The following VRTN variants were observed in gnomAD, a reference collection of about 807,000 sequenced individuals.
The protein encoded by VRTN is vertnin.
A neutral mutation model predicts 18.2 loss-of-function variants in VRTN; 5 were observed. The ratio of observed to expected loss-of-function variants is 0.27; its 90% CI spans 0.14 to 0.58. The LOEUF (loss-of-function observed/expected upper bound fraction) is 0.58, where lower values mean the gene tolerates loss of function less well. VRTN is among the 20% of genes least tolerant of loss of function. The pLI is 0.91. For missense variants in VRTN, 741 were observed against 939.4 expected (o/e 0.79, Z 2.76); for synonymous variants, 381 against 393.7 (o/e 0.97, Z 0.38).
chr14:74,346,406 C>CT (rs145248637), upstream of VRTN, among the ~76,000 whole-genome samples: 1,436 of 151,434 alleles, frequency 9.5e-3, 20 homozygotes, highest in African/African-American at 0.033. Flanking sequence ...CTTACCTACT[C>CT]TTTTTTTTTC....
At chr14:74,322,537 C>T (rs147687570) in intron 1 of VRTN, among the ~76,000 whole-genome samples, 1 of 152,240 alleles carries the variant, frequency 6.6e-6, no homozygotes, top group East Asian at 1.9e-4. Flanking sequence ...TAGGAAAACA[C>T]AATTATTGGC....
chr14:74,332,475 C>G (rs1289952657), intron 1 of VRTN, among the ~76,000 whole-genome samples: 1 of 150,332 alleles, frequency 6.7e-6, no homozygotes, highest in African/African-American at 2.5e-5. Context: ...CTGCCTCAGC[C>G]TCCTGAGTAG....
At position 74,348,576 on chromosome 14, in the gene VRTN, A is replaced by G. The variant is rs1350009661; in HGVS notation, c.-78A>G. On this transcript the variant is annotated 5_prime_UTR_variant, in exon 1 of 2. Coordinates refer to ENST00000256362, the MANE Select transcript of VRTN (RefSeq NM_018228.3). ...ACGCTACTTGAGAAGGCCTTTCCCCACAGGGTGACTTAAATGTCCCAGGCT... is the reference window on the plus strand; with the variant it reads ...ACGCTACTTGAGAAGGCCTTTCCCCGCAGGGTGACTTAAATGTCCCAGGCT... 2 of 152,436 alleles carry G rather than the reference A, an allele frequency of 1.3e-5. No homozygotes were observed. The highest frequency in any genetic ancestry group is 2.9e-5 in the Non-Finnish European group (2 of 68,254). The allele number at this position is 152,436 out of a possible 1,614,324, so 9.4% of individuals were successfully genotyped here.
chr14:74,358,692 G>T lies in VRTN; in HGVS notation c.1909G>T (p.Asp637Tyr). ...QPVVAAAGGRDGRMLVMDMIA... is the reference protein window; with the variant it reads ...QPVVAAAGGRYGRMLVMDMIA... The stretch of plus-strand genomic sequence containing the variant: ...TGTGGTGGCAGCAGCGGGTGGCAGG[G>T]ATGGCCGGATGCTGGTGATGGACAT... Residue 637 changes from aspartate (D) to tyrosine (Y), a missense_variant, in exon 2 of 2, where the codon GAT becomes TAT. This residue lies in a region of VRTN where 61 missense variants were observed against 104.6 expected (regional missense o/e 0.58). Coordinates refer to ENST00000256362, the MANE Select transcript of VRTN (RefSeq NM_018228.3). The surrounding 1 kb of genome is among the most constrained non-coding windows in gnomAD (Gnocchi z 5.4). 6.2e-7 allele frequency: 1 copy of T among 1,614,024 alleles called. No individual in the cohort carries two copies. The highest frequency in any genetic ancestry group is 8.5e-7 in the Non-Finnish European group (1 of 1,179,948).
intron 1 of VRTN, among the ~76,000 whole-genome samples, chr14:74,337,101 T>C (rs1290749130): frequency 6.6e-6 from 1 of 152,096 alleles, no homozygotes; most frequent in African/African-American, 2.4e-5. Flanking sequence ...TCCCAGCACT[T>C]TAAGACTGAG....
At chr14:74,318,375 A>G (rs555609611) in intron 1 of VRTN, among the ~76,000 whole-genome samples, 46 of 151,750 alleles carry the variant, frequency 3.0e-4, no homozygotes, top group African/African-American at 1.0e-3. Flanking sequence ...GATTCAAGTG[A>G]TTCTCCTGCC....
At chr14:74,320,846 A>G (rs930561342) in intron 1 of VRTN, among the ~76,000 whole-genome samples, 1 of 146,958 alleles carries the variant, frequency 6.8e-6, no homozygotes, top group African/African-American at 2.5e-5. Context: ...TTGGCCTCCC[A>G]AAGTGCTGGG....
chr14:74,359,178 G>T lies in VRTN; in HGVS notation c.*286G>T. On this transcript the variant is annotated 3_prime_UTR_variant, in exon 2 of 2. Transcript: ENST00000256362. ...TTAGTTTTTGGTTTTGATTTGAGTGGGTTGGTTGGCCCCCTTGCTGGAGTT... is the reference window on the plus strand; with the variant it reads ...TTAGTTTTTGGTTTTGATTTGAGTGTGTTGGTTGGCCCCCTTGCTGGAGTT... The T allele has an allele frequency of 2.3e-6, 1 of 432,574 alleles. No individual in the cohort carries two copies. The highest frequency in any genetic ancestry group is 4.4e-5 in the Admixed American group (1 of 22,578). 26.8% of individuals were successfully genotyped at this position (432,574 alleles called of 1,614,324 possible).
intron 2 of VRTN, among the ~76,000 whole-genome samples, chr14:74,342,011 G>T (rs2085608311): frequency 6.6e-6 from 1 of 152,058 alleles, no homozygotes; most frequent in African/African-American, 2.4e-5. Flanking sequence ...ATCTCATCTT[G>T]ACAGTTTAAA....
intron 1 of VRTN, chr14:74,306,125 T>C (rs886928091): frequency 1.4e-5 from 2 of 143,720 alleles, no homozygotes; most frequent in African/African-American, 5.1e-5. Flanking sequence ...ATATGTAAAA[T>C]ATATATATGT....
chr14:74,311,741 T>C (rs1385737219), intron 1 of VRTN, among the ~76,000 whole-genome samples: 4 of 141,408 alleles, frequency 2.8e-5, no homozygotes, highest in Non-Finnish European at 6.0e-5. Flanking sequence ...GTAATATATC[T>C]TGGAAGTTGT....
upstream of VRTN, among the ~76,000 whole-genome samples, chr14:74,348,070 G>A (rs574731159): frequency 5.9e-5 from 9 of 152,252 alleles, no homozygotes; most frequent in African/African-American, 2.2e-4. Context: ...TGCATTTTGA[G>A]GGTTCAGAGA....
chr14:74,320,469 A>G (rs1034742636), intron 1 of VRTN, among the ~76,000 whole-genome samples: 6 of 141,198 alleles, frequency 4.2e-5, no homozygotes, highest in South Asian at 2.4e-4. Context: ...TTACCATGTT[A>G]GCCAGGATGG....
At chr14:74,321,235 AAG>A (rs2085454013) in intron 1 of VRTN, among the ~76,000 whole-genome samples, 2 of 152,334 alleles carry the variant, frequency 1.3e-5, no homozygotes, top group South Asian at 2.1e-4. Flanking sequence ...AGGTGTAGAA[AAG>A]AGAGGAAAAT....
Position 74,359,215 on chromosome 14 carries a change from G to A in VRTN, c.*323G>A, listed in dbSNP as rs1184654008. On this transcript the variant is annotated 3_prime_UTR_variant, in exon 2 of 2. Coordinates refer to ENST00000256362, the MANE Select transcript of VRTN (RefSeq NM_018228.3). The stretch of plus-strand genomic sequence containing the variant: ...CCCTTGCTGGAGTTGGAAGCCGTAT[G>A]TATGTCAGGGGGTTTAGAGGGGGGT... 1 of 283,192 alleles carries A rather than the reference G, an allele frequency of 3.5e-6. No homozygotes were observed. Among genetic ancestry groups the A allele is most frequent in the East Asian group, 7.3e-5 (1 of 13,620 alleles). 17.5% of individuals were successfully genotyped at this position (283,192 alleles called of 1,614,324 possible). A position where few individuals can be genotyped will look rare whatever the true frequency, so the allele number is the denominator to read the frequency against.
upstream of VRTN, among the ~76,000 whole-genome samples, chr14:74,346,684 T>C (rs1018986870): frequency 1.8e-4 from 28 of 152,244 alleles, no homozygotes; most frequent in African/African-American, 6.3e-4. Context: ...ATGTTAACAA[T>C]AGCTGTCTTT....
Position 74,357,781 on chromosome 14 carries a change from A to G in VRTN, c.998A>G (p.Gln333Arg), listed in dbSNP as rs2085742283. The change falls in exon 2 of 2, where the codon CAG (glutamine) becomes CGG (arginine). Residue 333 changes from glutamine (Q) to arginine (R), a missense_variant. By Grantham distance (43) the Gln-to-Arg change is conservative. Transcript: ENST00000256362. This position sits in a 1 kb window ranked among gnomAD's most constrained non-coding sequence, Gnocchi z 7.8. ...SFHRGGVVPL[Q>R]QFLQRFPEIS... is the part of the protein sequence containing the mutation. ...CACCGGGGGGGCGTCGTGCCACTTC[A>G]GCAGTTCCTCCAGCGGTTCCCGGAG... 6.2e-7 allele frequency: 1 copy of G among 1,613,064 alleles called. No homozygotes were observed. Among genetic ancestry groups the G allele is most frequent in the Non-Finnish European group, 8.5e-7 (1 of 1,180,048 alleles).
chr14:74,307,571 A>G (rs2140190365), intron 1 of VRTN, among the ~76,000 whole-genome samples: 1 of 152,286 alleles, frequency 6.6e-6, no homozygotes, highest in East Asian at 1.9e-4. Flanking sequence ...TTACACCAAT[A>G]CTAAACTTGA....
chr14:74,321,020 A>G (rs1364930985), intron 1 of VRTN, among the ~76,000 whole-genome samples: 1 of 152,072 alleles, frequency 6.6e-6, no homozygotes, highest in African/African-American at 2.4e-5. Flanking sequence ...AAATGCATAT[A>G]AAGTTTATCA....
Sources: allele counts gnomAD v4.1 joint callset (sites outside exome capture counted in the v4.1 genomes callset), GRCh38; gene constraint gnomAD v4.1.1; regional missense constraint gnomAD v4.1.1; non-coding constraint Gnocchi (gnomAD v3.1); transcripts MANE v1.5; gene names NCBI Gene and HGNC (gene_info 2026-07-23, HGNC 2026-07-21).